The following PDE1C variants were observed in gnomAD, a reference collection of about 807,000 sequenced individuals.
PDE1C encodes the protein phosphodiesterase 1C.
A neutral mutation model predicts 93.1 loss-of-function variants in PDE1C; 62 were observed. That is an observed-to-expected ratio of 0.67 (90% CI 0.54 to 0.82). PDE1C has a LOEUF of 0.82. PDE1C is among the 40% of genes least tolerant of loss of function. The pLI is 0.00. For missense variants in PDE1C, 742 were observed against 884.6 expected, an observed-to-expected ratio of 0.84 and a Z score of 2.04; for synonymous variants, 325 against 310.1, an observed-to-expected ratio of 1.05 and a Z score of -0.50.
chr7:32,070,270 G>C (rs774780784), intron 1 of PDE1C, 23 bp downstream of exon 1: 1 of 1,613,684 alleles, frequency 6.2e-7, no homozygotes, highest in Non-Finnish European at 8.5e-7. Flanking sequence ...AATGGGGCAG[G>C]AGAAGTAAAT....
At chr7:31,714,430 C>T in the PDE1C span, among the ~76,000 whole-genome samples, 2 of 152,188 alleles carry the variant, frequency 1.3e-5, no homozygotes, top group African/African-American at 2.4e-5. Context: ...CCCACATTTT[C>T]CTGTCTTCTT....
At chr7:32,087,234 A>G (rs1368225913) in intron 3 of PDE1C, among the ~76,000 whole-genome samples, 1 of 149,852 alleles carries the variant, frequency 6.7e-6, no homozygotes, top group Non-Finnish European at 1.5e-5. Context: ...TATGCAGCCA[A>G]AAGACACATG....
intron 1 of PDE1C, among the ~76,000 whole-genome samples, chr7:32,216,030 A>G (rs1860224): frequency 0.64 from 97,924 of 152,184 alleles, 32,840 homozygotes; most frequent in Admixed American, 0.76. Flanking sequence ...AAAGAAGAGA[A>G]CATTGGAATG....
upstream of PDE1C, among the ~76,000 whole-genome samples, chr7:32,075,434 G>C (rs1021971235): frequency 1.3e-5 from 2 of 152,222 alleles, no homozygotes; most frequent in Non-Finnish European, 2.9e-5. Context: ...CCCCCACAAT[G>C]TTCTGTCAAC....
At chr7:32,134,778 A>G (rs1800110240) in intron 3 of PDE1C, among the ~76,000 whole-genome samples, 1 of 152,126 alleles carries the variant, frequency 6.6e-6, no homozygotes, top group Non-Finnish European at 1.5e-5. Flanking sequence ...GACAAGGGGA[A>G]GGAGACAGAT....
intron 2 of PDE1C, among the ~76,000 whole-genome samples, chr7:31,960,798 A>G (rs1808830634): frequency 6.6e-6 from 1 of 152,232 alleles, no homozygotes; most frequent in African/African-American, 2.4e-5. Context: ...CTAATAAGAT[A>G]TGGGAGTGAC....
At chr7:31,955,056 T>C (rs1005882774) in intron 2 of PDE1C, among the ~76,000 whole-genome samples, 4 of 152,224 alleles carry the variant, frequency 2.6e-5, no homozygotes, top group African/African-American at 9.6e-5. Context: ...CAATTTTATA[T>C]ATGTCTCTCT....
At position 32,237,742 on chromosome 7, in the gene PDE1C, G is replaced by GTA. The variant is rs372356671; in HGVS notation, c.86-28205_86-28204dup. Among the ~76,000 whole-genome samples the GTA allele has an allele frequency of 3.9e-3, 122 of 31,206 alleles. 3 individuals are homozygous for GTA. Among genetic ancestry groups the GTA allele is most frequent in the African/African-American group, 0.014 (110 of 7,954 alleles). 20.5% of individuals were successfully genotyped at this position (31,206 alleles called of 152,430 possible). On this transcript the variant is annotated intron_variant, in intron 1 of 18. Coordinates refer to the PDE1C transcript ENST00000396193. ...AGCCACTATCCGCACTTGGCTCTGT[G>GTA]TATATATATATATATATATACTTTT... is the stretch of plus-strand genomic sequence containing the variant.
the PDE1C span, among the ~76,000 whole-genome samples, chr7:31,619,798 G>A: frequency 2.6e-4 from 39 of 152,266 alleles, no homozygotes; most frequent in Non-Finnish European, 3.1e-4. Flanking sequence ...CTGAAGCAGC[G>A]CGAGGCATTG....
intron 1 of PDE1C, among the ~76,000 whole-genome samples, chr7:32,220,539 G>C (rs1251500115): frequency 1.3e-5 from 2 of 152,142 alleles, no homozygotes; most frequent in Non-Finnish European, 2.9e-5. Flanking sequence ...GGTCCAGCCG[G>C]GCATGGTGGC....
chr7:31,625,772 TA>T, the PDE1C span, among the ~76,000 whole-genome samples: 75 of 147,878 alleles, frequency 5.1e-4, no homozygotes, highest in Middle Eastern at 3.5e-3. Flanking sequence ...AAAGTATAAT[TA>T]AAAAAAAAAC....
At chr7:31,825,021 C>T (rs764800160) in intron 12 of PDE1C, 34 bp from the exon 13 acceptor site, 15 of 1,611,870 alleles carry the variant, frequency 9.3e-6, no homozygotes, top group Non-Finnish European at 1.2e-5. Flanking sequence ...AGAGGAACCA[C>T]ATATTACCTT....
At chr7:31,700,956 C>T in the PDE1C span, among the ~76,000 whole-genome samples, 1 of 152,198 alleles carries the variant, frequency 6.6e-6, no homozygotes, top group African/African-American at 2.4e-5. Flanking sequence ...TACCTCATCA[C>T]CCAAGAGCTC....
the PDE1C span, among the ~76,000 whole-genome samples, chr7:31,740,357 C>T: frequency 1.3e-5 from 2 of 152,256 alleles, no homozygotes; most frequent in Non-Finnish European, 2.9e-5. Flanking sequence ...GTTATGTATA[C>T]ACATGCAGAC....
At chr7:32,188,516 A>G (rs1318165740) in intron 2 of PDE1C, among the ~76,000 whole-genome samples, 1 of 152,072 alleles carries the variant, frequency 6.6e-6, no homozygotes, top group Non-Finnish European at 1.5e-5. Flanking sequence ...TTTATATTTC[A>G]GTGAGGATTT....
At chr7:32,099,753 C>T (rs1448075765) in intron 3 of PDE1C, among the ~76,000 whole-genome samples, 1 of 152,228 alleles carries the variant, frequency 6.6e-6, no homozygotes, top group Non-Finnish European at 1.5e-5. Flanking sequence ...GCACCATACA[C>T]CATGCCTTTA....
Position 31,937,184 on chromosome 7 carries a change from C to A in PDE1C, c.129-56324G>T, listed in dbSNP as rs193116097. 5.4e-3 allele frequency among the ~76,000 whole-genome samples: 818 copies of A among 152,178 alleles called. 7 individuals are homozygous for A. The highest frequency in any genetic ancestry group is 9.7e-3 in the Non-Finnish European group (660 of 67,998). ...AGATGGTGACTGTCTCTTATCAGAC[C>A]TTAAAAGACATCAGACTCTGGAAAA... On this transcript the variant is annotated intron_variant, in intron 2 of 17. Coordinates refer to ENST00000396191, the MANE Select transcript of PDE1C (RefSeq NM_001191057.4).
intron 3 of PDE1C, among the ~76,000 whole-genome samples, chr7:32,091,592 G>C (rs1209438267): frequency 4.6e-5 from 7 of 152,218 alleles, no homozygotes; most frequent in African/African-American, 1.7e-4. Flanking sequence ...AGCCTCAAAT[G>C]CAGAAGTATG....
the PDE1C span, among the ~76,000 whole-genome samples, chr7:31,704,619 C>T: frequency 6.6e-5 from 10 of 152,116 alleles, no homozygotes; most frequent in East Asian, 5.8e-4. Flanking sequence ...GTGAAATATG[C>T]GGTAACAGAG....
Sources: allele counts gnomAD v4.1 joint callset (sites outside exome capture counted in the v4.1 genomes callset), GRCh38; gene constraint gnomAD v4.1.1; transcripts MANE v1.5; gene names NCBI Gene and HGNC (gene_info 2026-07-23, HGNC 2026-07-21).